SAMD5: variants seen among roughly 807,000 people sequenced by gnomAD.
SAMD5 encodes sterile alpha motif domain-containing protein 5.
A neutral mutation model predicts 11.3 loss-of-function variants in SAMD5; 13 were observed. The observed-to-expected ratio is 1.15, with a 90% CI of 0.75 to 1.83. The LOEUF is 1.83. SAMD5 is among the 40% of genes most tolerant of loss of function. The pLI is 0.00. For missense variants in SAMD5, 255 were observed against 239.1 expected (o/e 1.07, Z -0.44); for synonymous variants, 129 against 111.3 (o/e 1.16, Z -1.00).
Position 147,730,708 on chromosome 6 carries a change from A to T in SAMD5, c.163-6609A>T, listed in dbSNP as rs185714451. Among the ~76,000 whole-genome samples the T allele has an allele frequency of 3.3e-5, 5 of 152,296 alleles. No homozygotes were observed. In the East Asian group the frequency reaches 9.7e-4, roughly 29 times the overall value. ...CAAGGTCCGAGAACTGAGCCCTAAGACATTCCAATGTTAGATGGGAGAGAA... is the reference window on the plus strand; with the variant it reads ...CAAGGTCCGAGAACTGAGCCCTAAGTCATTCCAATGTTAGATGGGAGAGAA... On this transcript the variant is annotated intron_variant, in intron 1 of 1. Coordinates refer to the SAMD5 transcript ENST00000566741.
At chr6:147,584,466 C>A (rs1439529819) in intron 1 of SAMD5, among the ~76,000 whole-genome samples, 1 of 152,200 alleles carries the variant, frequency 6.6e-6, no homozygotes, top group Non-Finnish European at 1.5e-5. Flanking sequence ...ACAGTGGCCA[C>A]TTAGCCTGCA....
At chr6:147,920,960 A>C in the SAMD5 span, among the ~76,000 whole-genome samples, 1 of 152,232 alleles carries the variant, frequency 6.6e-6, no homozygotes, top group Non-Finnish European at 1.5e-5. Context: ...ATTATTTTAC[A>C]AATAGAGGAA....
At chr6:147,907,507 A>G in the SAMD5 span, among the ~76,000 whole-genome samples, 2 of 152,244 alleles carry the variant, frequency 1.3e-5, no homozygotes, top group Non-Finnish European at 2.9e-5. Context: ...TACCTTGGGA[A>G]TATCTCTGTG....
At chr6:147,705,871 G>C (rs2128458170) in intron 1 of SAMD5, among the ~76,000 whole-genome samples, 1 of 152,276 alleles carries the variant, frequency 6.6e-6, no homozygotes, top group South Asian at 2.1e-4. Context: ...ATATATTACT[G>C]TTTGAGGACA....
chr6:147,900,568 C>A, the SAMD5 span, among the ~76,000 whole-genome samples: 1 of 152,168 alleles, frequency 6.6e-6, no homozygotes, highest in Non-Finnish European at 1.5e-5. Context: ...GCTTGGTCGG[C>A]AGCTCACCTG....
chr6:147,812,201 G>GAGAAGATGTTTT, the SAMD5 span, among the ~76,000 whole-genome samples: 2 of 152,158 alleles, frequency 1.3e-5, no homozygotes, highest in Non-Finnish European at 2.9e-5. Context: ...TTTTTGTTAA[G>GAGAAGATGTTTT]AGAAGATGTT....
chr6:147,854,528 A>T, the SAMD5 span, among the ~76,000 whole-genome samples: 13,392 of 152,242 alleles, frequency 0.088, 659 homozygotes, highest in Non-Finnish European at 0.1. Flanking sequence ...ACAGATTATG[A>T]TTGTCCCAAA....
At chr6:147,556,249 C>T (rs556459276) in intron 1 of SAMD5, among the ~76,000 whole-genome samples, 6 of 151,802 alleles carry the variant, frequency 4.0e-5, no homozygotes, top group Admixed American at 2.6e-4. Flanking sequence ...CCTGCCACCA[C>T]GCCCGGCTAA....
chr6:147,610,341 G>A (rs146116595), intron 1 of SAMD5, among the ~76,000 whole-genome samples: 1 of 152,232 alleles, frequency 6.6e-6, no homozygotes, highest in African/African-American at 2.4e-5. Context: ...CTAAACAAGA[G>A]ACTGTATTCA....
Position 147,568,518 on chromosome 6 carries a change from A to G in SAMD5, c.*4062A>G. 1 of 985,436 alleles carries G rather than the reference A, an allele frequency of 1.0e-6. No individual in the cohort carries two copies. Among genetic ancestry groups the G allele is most frequent in the Non-Finnish European group, 1.2e-6 (1 of 829,926 alleles). 61.0% of individuals were successfully genotyped at this position (985,436 alleles called of 1,614,324 possible). ...GTGGAACATTGCATCTAGGGAAAAT[A>G]AGAGAAATAAGTGAAAGTCTGACCC... On this transcript the variant is annotated 3_prime_UTR_variant, in exon 2 of 2. Transcript: ENST00000367474.
intron 1 of SAMD5, among the ~76,000 whole-genome samples, chr6:147,642,249 GT>G (rs1318636427): frequency 6.6e-6 from 1 of 152,150 alleles, no homozygotes; most frequent in African/African-American, 2.4e-5. Context: ...TTGGATAAAA[GT>G]TTTTATCTTT....
chr6:147,875,083 A>T, the SAMD5 span, among the ~76,000 whole-genome samples: 42 of 152,194 alleles, frequency 2.8e-4, no homozygotes, highest in Non-Finnish European at 5.4e-4. Flanking sequence ...TTGAATTTTA[A>T]AACTTCTTCA....
intron 1 of SAMD5, among the ~76,000 whole-genome samples, chr6:147,718,432 C>T (rs1387926294): frequency 1.3e-5 from 2 of 152,132 alleles, no homozygotes; most frequent in Non-Finnish European, 2.9e-5. Flanking sequence ...GGAGGAAGAA[C>T]GGGAAAGCTG....
chr6:147,856,065 A>G, the SAMD5 span, among the ~76,000 whole-genome samples: 12 of 152,224 alleles, frequency 7.9e-5, no homozygotes, highest in Admixed American at 6.5e-4. Flanking sequence ...AAACTATGGT[A>G]TAGCGATACA....
the SAMD5 span, among the ~76,000 whole-genome samples, chr6:147,858,154 C>T: frequency 1.1e-4 from 17 of 152,158 alleles, no homozygotes; most frequent in Non-Finnish European, 2.4e-4. Flanking sequence ...ATCTGTAGCC[C>T]CCTATTTGCC....
At chr6:147,538,714 G>A (rs1788552560) in intron 1 of SAMD5, among the ~76,000 whole-genome samples, 1 of 152,120 alleles carries the variant, frequency 6.6e-6, no homozygotes, top group Admixed American at 6.5e-5. Flanking sequence ...GAAACACTTT[G>A]ACCTTAAAGC....
the SAMD5 span, among the ~76,000 whole-genome samples, chr6:147,893,676 T>C: frequency 1.3e-5 from 2 of 152,212 alleles, no homozygotes; most frequent in African/African-American, 4.8e-5. Context: ...TCTGTACTGA[T>C]ACTTTGTCTA....
chr6:147,658,787 ATCT>A (rs1316266304), intron 1 of SAMD5, among the ~76,000 whole-genome samples: 3 of 152,152 alleles, frequency 2.0e-5, no homozygotes, highest in African/African-American at 7.2e-5. Context: ...ACTGATCTCA[ATCT>A]TCTTTGGCTT....
the SAMD5 span, among the ~76,000 whole-genome samples, chr6:147,790,087 T>C: frequency 1.3e-5 from 2 of 152,236 alleles, no homozygotes; most frequent in African/African-American, 4.8e-5. Flanking sequence ...CTTTATCTGA[T>C]TGATCTGAAA....
Sources: allele counts gnomAD v4.1 joint callset (sites outside exome capture counted in the v4.1 genomes callset), GRCh38; gene constraint gnomAD v4.1.1; transcripts MANE v1.5; gene names NCBI Gene and HGNC (gene_info 2026-07-23, HGNC 2026-07-21).